BRWD1: variants seen among roughly 807,000 people sequenced by gnomAD.
BRWD1 encodes bromodomain and WD repeat-containing protein 1.
BRWD1 carries 82 observed loss-of-function variants against 251.2 expected under a neutral mutation model. That is an observed-to-expected ratio of 0.33 (90% CI 0.27 to 0.39). The LOEUF (loss-of-function observed/expected upper bound fraction) is 0.39. BRWD1 is among the 10% of genes least tolerant of loss of function. The pLI, the probability that BRWD1 is intolerant of heterozygous loss-of-function variation, is 1.00. For missense variants in BRWD1, 2,233 were observed against 2,711.6 expected (o/e 0.82, Z 3.92); for synonymous variants, 918 against 902.8 (o/e 1.02, Z -0.30).
At chr21:39,296,056 A>C (rs2035953705) in intron 6 of BRWD1, among the ~76,000 whole-genome samples, 153 bp from the exon 7 acceptor site, 1 of 152,218 alleles carries the variant, frequency 6.6e-6, no homozygotes. Flanking sequence ...TTCTGTATTC[A>C]GTAACATAGA....
chr21:39,287,033 A>C (rs2035663330), intron 8 of BRWD1, among the ~76,000 whole-genome samples: 1 of 152,168 alleles, frequency 6.6e-6, no homozygotes, highest in African/African-American at 2.4e-5. Flanking sequence ...AACCATCCAA[A>C]TCTACCTTGC....
intron 4 of BRWD1, among the ~76,000 whole-genome samples, chr21:39,312,119 G>A (rs567328033): frequency 6.6e-6 from 1 of 152,102 alleles, no homozygotes; most frequent in Non-Finnish European, 1.5e-5. Flanking sequence ...ATAGATAAAA[G>A]CAAGTTATAT....
chr21:39,258,717 A>C (rs777869966), intron 17 of BRWD1, 45 bp from the exon 18 acceptor site: 3 of 1,368,010 alleles, frequency 2.2e-6, no homozygotes, highest in Non-Finnish European at 2.9e-6. Context: ...AAAGCAGAAA[A>C]CAAAAAAAAA....
In BRWD1 at chr21:39,247,707, T is replaced by C. The variant is rs766392389; in HGVS notation, c.2475A>G (p.Val825=). 6.2e-7 allele frequency: 1 copy of C among 1,608,216 alleles called. No homozygotes were observed. Among genetic ancestry groups the C allele is most frequent in the Non-Finnish European group, 8.5e-7 (1 of 1,178,424 alleles). Residue 825 remains valine (V), a synonymous_variant, in exon 21 of 41, where the codon GTA becomes GTG. Coordinates refer to ENST00000342449, the MANE Select transcript of BRWD1 (RefSeq NM_033656.4). The part of the protein sequence containing the change: ...LSSGNESSSS[V]RHETSCDQSE... Reference sequence around the variant, plus strand: ...TTTAAAGTTTTCCACTCACATGTCTTACAGAGCTTGAAGACTCATTTCCAG... The same window carrying C: ...TTTAAAGTTTTCCACTCACATGTCTCACAGAGCTTGAAGACTCATTTCCAG...
At position 39,187,314 on chromosome 21, in the gene BRWD1, C is replaced by G. The variant is rs78850781; in HGVS notation, c.*8945G>C. The G allele has an allele frequency of 4.3e-6, 7 of 1,613,796 alleles. No homozygotes were observed. Among genetic ancestry groups the G allele is most frequent in the Non-Finnish European group, 5.9e-6 (7 of 1,179,926 alleles). On this transcript the variant is annotated 3_prime_UTR_variant, in exon 41 of 41. Transcript: ENST00000342449. ...ATCTGCGGGGAACTTTCTCAGGTACCATTTTTGCTTTCAGAGTTTCACTAG... is the reference window on the plus strand; with the variant it reads ...ATCTGCGGGGAACTTTCTCAGGTACGATTTTTGCTTTCAGAGTTTCACTAG...
intron 2 of BRWD1, 58 bp from the exon 3 acceptor site, chr21:39,313,159 A>AC: frequency 1.3e-6 from 2 of 1,483,778 alleles, no homozygotes; most frequent in South Asian, 1.3e-5. Context: ...CTCCCGTTTC[A>AC]CCCCCGCCCA....
At chr21:39,266,584 T>C (rs2034929500) in intron 15 of BRWD1, among the ~76,000 whole-genome samples, 1 of 152,232 alleles carries the variant, frequency 6.6e-6, no homozygotes, top group Admixed American at 6.5e-5. Context: ...AAATACTTGC[T>C]GAGATGAAAG....
At chr21:39,213,987 C>T (rs1041970003) in intron 32 of BRWD1, among the ~76,000 whole-genome samples, 3 of 151,178 alleles carry the variant, frequency 2.0e-5, no homozygotes, top group African/African-American at 4.9e-5. Flanking sequence ...ACTGTACACA[C>T]AGGAGAAAAA....
At chr21:39,260,151 T>C (rs559595543) in intron 17 of BRWD1, among the ~76,000 whole-genome samples, 3 of 152,278 alleles carry the variant, frequency 2.0e-5, no homozygotes, top group East Asian at 1.9e-4. Flanking sequence ...AGGCAGTACA[T>C]AGAGGCTTAA....
At chr21:39,273,336 T>C (rs1056729202) in intron 13 of BRWD1, among the ~76,000 whole-genome samples, 4 of 152,206 alleles carry the variant, frequency 2.6e-5, no homozygotes, top group Non-Finnish European at 5.9e-5. Context: ...TTTTAATTTG[T>C]TTATGAGCAA....
Position 39,195,451 on chromosome 21 carries a change from A to C in BRWD1, c.*808T>G, listed in dbSNP as rs1377057088. The C allele has an allele frequency of 1.0e-6, 1 of 985,778 alleles. No individual in the cohort carries two copies. The highest frequency in any genetic ancestry group is 1.7e-5 in the African/African-American group (1 of 57,342). 61.1% of individuals were successfully genotyped at this position (985,778 alleles called of 1,614,324 possible). A position where few individuals can be genotyped will look rare whatever the true frequency, so the allele number is the denominator to read the frequency against. Reference sequence around the variant, plus strand: ...GCAAGATTTTGGTTAAATCCCTTACAATGGAAACCAGGAGATCTTGGACAG... The same window carrying C: ...GCAAGATTTTGGTTAAATCCCTTACCATGGAAACCAGGAGATCTTGGACAG... On this transcript the variant is annotated 3_prime_UTR_variant, in exon 41 of 41. Coordinates refer to ENST00000342449, the MANE Select transcript of BRWD1 (RefSeq NM_033656.4).
intron 40 of BRWD1, among the ~76,000 whole-genome samples, chr21:39,198,088 G>A (rs1267990658): frequency 6.6e-6 from 1 of 151,996 alleles, no homozygotes; most frequent in African/African-American, 2.4e-5. Context: ...GAAACTCCCC[G>A]TAACTCCCCA....
Position 39,195,639 on chromosome 21 carries a change from A to C in BRWD1, c.*620T>G. 6.1e-6 allele frequency: 6 copies of C among 984,720 alleles called. No homozygotes were observed. The highest frequency in any genetic ancestry group is 7.2e-6 in the Non-Finnish European group (6 of 828,966). 61.0% of individuals were successfully genotyped at this position (984,720 alleles called of 1,614,324 possible). ...ACATAAAAGTGACAACGTTTTCCTT[A>C]AGAAGAAAAAAACCCAACAGCACTT... On this transcript the variant is annotated 3_prime_UTR_variant, in exon 41 of 41. Transcript: ENST00000342449.
intron 15 of BRWD1, among the ~76,000 whole-genome samples, chr21:39,268,455 A>C (rs2034996829): frequency 6.6e-6 from 1 of 150,950 alleles, no homozygotes; most frequent in Admixed American, 6.6e-5. Flanking sequence ...AAAAAAAAAA[A>C]AAAAATTATC....
chr21:39,309,666 T>C (rs973428658), intron 4 of BRWD1, among the ~76,000 whole-genome samples: 1 of 148,388 alleles, frequency 6.7e-6, no homozygotes, highest in African/African-American at 2.5e-5. Flanking sequence ...CTACTAAAAA[T>C]ACAGAAAAAT....
chr21:39,307,342 T>C (rs1478033460), intron 4 of BRWD1, among the ~76,000 whole-genome samples: 1 of 151,970 alleles, frequency 6.6e-6, no homozygotes, highest in African/African-American at 2.4e-5. Flanking sequence ...TATTTTGTAA[T>C]TTTTTTTACT....
intron 29 of BRWD1, among the ~76,000 whole-genome samples, chr21:39,221,186 A>C (rs2033162008): frequency 6.6e-6 from 1 of 151,354 alleles, no homozygotes; most frequent in Admixed American, 6.6e-5. Flanking sequence ...AATTCAAAAG[A>C]GCACAATATG....
intron 25 of BRWD1, among the ~76,000 whole-genome samples, chr21:39,231,951 G>T (rs370185090): frequency 3.9e-5 from 6 of 152,124 alleles, no homozygotes; most frequent in Admixed American, 3.3e-4. Flanking sequence ...GAAACTCTAG[G>T]TTGTTGCATT....
Position 39,188,264 on chromosome 21 carries a change from A to C in BRWD1, c.*7995T>G. 1 of 985,358 alleles carries C rather than the reference A, an allele frequency of 1.0e-6. No homozygotes were observed. Among genetic ancestry groups the C allele is most frequent in the Non-Finnish European group, 1.2e-6 (1 of 829,914 alleles). The allele number at this position is 985,358 out of a possible 1,614,324, so 61.0% of individuals were successfully genotyped here. On this transcript the variant is annotated 3_prime_UTR_variant, in exon 41 of 41. Transcript: ENST00000342449. ...AGCCATGAACAGTCAAACTATCTAA[A>C]ACTGCCTTCATGGTACACACCAATC...
Sources: allele counts gnomAD v4.1 joint callset (sites outside exome capture counted in the v4.1 genomes callset), GRCh38; gene constraint gnomAD v4.1.1; transcripts MANE v1.5; gene names NCBI Gene and HGNC (gene_info 2026-07-23, HGNC 2026-07-21).